Variants in TTC39B observed in about 807,000 individuals in gnomAD.
TTC39B encodes the protein tetratricopeptide repeat domain 39B.
A neutral mutation model predicts 96.6 loss-of-function variants in TTC39B; 92 were observed. That is an observed-to-expected ratio of 0.95 (90% CI 0.80 to 1.13). The LOEUF (loss-of-function observed/expected upper bound fraction) is 1.13. TTC39B is among the 50% of genes most tolerant of loss of function. TTC39B has a pLI of 0.00. For missense variants in TTC39B, 955 were observed against 809.3 expected (o/e 1.18, Z -2.18); for synonymous variants, 367 against 299.4 (o/e 1.23, Z -2.33).
intron 2 of TTC39B, among the ~76,000 whole-genome samples, chr9:15,238,997 G>C (rs940051486): frequency 2.0e-5 from 3 of 152,034 alleles, no homozygotes; most frequent in African/African-American, 7.2e-5. Context: ...AAATAAGAAA[G>C]TATTTGCAGA....
exon 14 of TTC39B, chr9:15,188,057 G>A: frequency 6.2e-7 from 1 of 1,612,106 alleles, no homozygotes; most frequent in Non-Finnish European, 8.5e-7. Context: ...ATCCACATTA[G>A]CTCCCAGTAG....
intron 19 of TTC39B, 80 bp from the exon 20 acceptor site, chr9:15,172,189 G>T (rs537100096): frequency 4.0e-4 from 371 of 922,144 alleles, no homozygotes; most frequent in Non-Finnish European, 5.8e-4. Flanking sequence ...TCCTCTCTCT[G>T]ATCTACTTAC....
At chr9:15,223,987 T>C (rs528938269) in intron 3 of TTC39B, among the ~76,000 whole-genome samples, 86 of 152,340 alleles carry the variant, frequency 5.6e-4, no homozygotes, top group African/African-American at 2.0e-3. Flanking sequence ...TTCCTCTCTT[T>C]GACTCCTTCC....
At chr9:15,277,384 C>T (rs1383755786) in intron 1 of TTC39B, among the ~76,000 whole-genome samples, 1 of 152,174 alleles carries the variant, frequency 6.6e-6, no homozygotes, top group Non-Finnish European at 1.5e-5. Context: ...GCCAAGATAG[C>T]CCCATTGCAC....
chr9:15,221,241 C>G (rs182519676), intron 3 of TTC39B, among the ~76,000 whole-genome samples: 1 of 152,246 alleles, frequency 6.6e-6, no homozygotes, highest in East Asian at 1.9e-4. Flanking sequence ...ATTTTCCGTT[C>G]CCATCATTTC....
intron 16 of TTC39B, 42 bp downstream of exon 16, chr9:15,185,238 T>C: frequency 6.4e-7 from 1 of 1,572,862 alleles, no homozygotes; most frequent in East Asian, 2.3e-5. Flanking sequence ...TGTGAGTAGG[T>C]AATTTATTTC....
At chr9:15,183,034 A>G (rs1818326391) in intron 16 of TTC39B, among the ~76,000 whole-genome samples, 2 of 152,232 alleles carry the variant, frequency 1.3e-5, no homozygotes, top group Middle Eastern at 3.2e-3. Context: ...TCAAAAGCAA[A>G]TGTGCTTTTG....
intron 1 of TTC39B, among the ~76,000 whole-genome samples, chr9:15,280,450 ATAAAG>A (rs1196013410): frequency 6.6e-6 from 1 of 152,238 alleles, no homozygotes; most frequent in Non-Finnish European, 1.5e-5. Context: ...TTAAAAATCT[ATAAAG>A]TTCAAAGGGT....
intron 17 of TTC39B, among the ~76,000 whole-genome samples, chr9:15,179,646 G>C (rs573393361): frequency 1.3e-5 from 2 of 152,092 alleles, no homozygotes; most frequent in South Asian, 2.1e-4. Context: ...TTAGGACCTA[G>C]AACCAAAACC....
intron 1 of TTC39B, among the ~76,000 whole-genome samples, chr9:15,298,926 C>T (rs1265100488): frequency 6.6e-6 from 1 of 152,176 alleles, no homozygotes; most frequent in African/African-American, 2.4e-5. Context: ...CCCCACATCA[C>T]TTCTCCATGG....
intron 2 of TTC39B, among the ~76,000 whole-genome samples, chr9:15,247,887 T>C (rs1210147575): frequency 1.3e-5 from 2 of 151,362 alleles, no homozygotes; most frequent in East Asian, 3.9e-4. Context: ...CCAACCAACC[T>C]ATGACTAAGG....
At chr9:15,261,107 A>C (rs1349058918) in intron 2 of TTC39B, among the ~76,000 whole-genome samples, 2 of 152,222 alleles carry the variant, frequency 1.3e-5, no homozygotes, top group Non-Finnish European at 2.9e-5. Context: ...AATCTTAATT[A>C]ATCAGTGCCC....
intron 2 of TTC39B, among the ~76,000 whole-genome samples, chr9:15,264,528 G>A (rs551544080): frequency 3.3e-5 from 5 of 151,784 alleles, no homozygotes; most frequent in African/African-American, 9.7e-5. Flanking sequence ...GTTGGCAGGC[G>A]CCTATAATCC....
chr9:15,303,623 T>C (rs917535366), intron 1 of TTC39B, among the ~76,000 whole-genome samples: 3 of 151,934 alleles, frequency 2.0e-5, no homozygotes, highest in Non-Finnish European at 2.9e-5. Flanking sequence ...TTTTGTTTCA[T>C]ATGAGAAAAA....
chr9:15,164,273 A>T (rs765720282), exon 20 of TTC39B: 2 of 152,254 alleles, frequency 1.3e-5, no homozygotes, highest in Non-Finnish European at 2.9e-5. Context: ...GACAATTTTT[A>T]CTAACAGAAC....
chr9:15,166,982 T>TTTTTTTTATATATATATA (rs1387664027), exon 20 of TTC39B: 1 of 20,276 alleles, frequency 4.9e-5, no homozygotes, highest in Non-Finnish European at 8.8e-5. Flanking sequence ...AACCTTTATT[T>TTTTTTTTATATATATATA]TATATATATA....
intron 3 of TTC39B, among the ~76,000 whole-genome samples, chr9:15,217,704 G>C (rs900294736): frequency 6.6e-6 from 1 of 152,088 alleles, no homozygotes; most frequent in Non-Finnish European, 1.5e-5. Flanking sequence ...TCCTACTACT[G>C]CTTTGACTCC....
exon 20 of TTC39B, chr9:15,165,429 G>A (rs894897554): frequency 6.6e-6 from 1 of 152,122 alleles, no homozygotes; most frequent in Non-Finnish European, 1.5e-5. Context: ...TTAAAAATAG[G>A]AATGACTTAA....
At chr9:15,244,756 T>C (rs1419890146) in intron 2 of TTC39B, among the ~76,000 whole-genome samples, 1 of 152,194 alleles carries the variant, frequency 6.6e-6, no homozygotes, top group Non-Finnish European at 1.5e-5. Flanking sequence ...ATTGCATCGC[T>C]CCACGTTGGA....
Sources: allele counts gnomAD v4.1 joint callset (sites outside exome capture counted in the v4.1 genomes callset), GRCh38; gene constraint gnomAD v4.1.1; transcripts MANE v1.5; gene names NCBI Gene and HGNC (gene_info 2026-07-23, HGNC 2026-07-21).